CAMTA1: variants seen among roughly 807,000 people sequenced by gnomAD.
CAMTA1 encodes calmodulin binding transcription activator 1, also known as calmodulin-binding transcription activator 1.
Under a neutral mutation model 170.9 loss-of-function variants are expected in CAMTA1, and 27 were observed. The observed-to-expected ratio is 0.16, with a 90% CI of 0.12 to 0.22. The LOEUF (loss-of-function observed/expected upper bound fraction) is 0.22. Among genes scored for constraint, CAMTA1 ranks in the 10% least tolerant of loss-of-function variants. The pLI is 1.00. For missense variants in CAMTA1, 1,619 were observed against 2,217.2 expected, an observed-to-expected ratio of 0.73 and a Z score of 5.42; for synonymous variants, 833 against 891.5, an observed-to-expected ratio of 0.93 and a Z score of 1.17.
intron 3 of CAMTA1, among the ~76,000 whole-genome samples, chr1:6,891,187 C>A (rs1163666809): frequency 1.3e-5 from 2 of 152,086 alleles, no homozygotes; most frequent in African/African-American, 2.4e-5. Flanking sequence ...GACAATAATC[C>A]CATATTTATA....
At chr1:7,560,283 C>T (rs1392623155) in intron 6 of CAMTA1, among the ~76,000 whole-genome samples, 1 of 152,342 alleles carries the variant, frequency 6.6e-6, no homozygotes, top group East Asian at 1.9e-4. Flanking sequence ...CACTGCCCTT[C>T]AGGTCCCCTG....
At chr1:7,309,877 T>C (rs1054842993) in intron 5 of CAMTA1, among the ~76,000 whole-genome samples, 1 of 150,212 alleles carries the variant, frequency 6.7e-6, no homozygotes, top group East Asian at 1.9e-4. Flanking sequence ...TTATATATCA[T>C]ATATATATAT....
intron 6 of CAMTA1, among the ~76,000 whole-genome samples, chr1:7,529,232 A>G (rs996020612): frequency 3.5e-4 from 54 of 152,166 alleles, no homozygotes; most frequent in African/African-American, 1.3e-3. Context: ...GGAGTGGGGC[A>G]GAGATGGGCA....
At chr1:7,478,412 A>T (rs2093458507) in intron 6 of CAMTA1, among the ~76,000 whole-genome samples, 1 of 151,810 alleles carries the variant, frequency 6.6e-6, no homozygotes, top group Non-Finnish European at 1.5e-5. Flanking sequence ...GCTCCACACC[A>T]TCCCCTGTGA....
chr1:7,436,188 G>A (rs567372397), intron 5 of CAMTA1, among the ~76,000 whole-genome samples: 8 of 152,240 alleles, frequency 5.3e-5, no homozygotes, highest in Non-Finnish European at 1.2e-4. Context: ...TCTGGGAGGC[G>A]AGAGGGAGCC....
chr1:7,662,998 T>C (rs1420587023), intron 8 of CAMTA1, among the ~76,000 whole-genome samples: 6 of 151,802 alleles, frequency 4.0e-5, no homozygotes, highest in African/African-American at 9.7e-5. Context: ...TCCAGATGAG[T>C]GGTATCTGTC....
chr1:7,670,879 T>C, intron 9 of CAMTA1, 32 bp from the exon 10 acceptor site: 1 of 1,611,446 alleles, frequency 6.2e-7, no homozygotes, highest in Non-Finnish European at 8.5e-7. Flanking sequence ...TGGCTCACAC[T>C]CCAACTCTGT....
chr1:6,787,830 G>C (rs188238026), intron 1 of CAMTA1, among the ~76,000 whole-genome samples: 7 of 152,338 alleles, frequency 4.6e-5, no homozygotes, highest in Admixed American at 2.6e-4. Context: ...TTCGTTGCTT[G>C]ATTCTGCATA....
At position 7,293,902 on chromosome 1, in the gene CAMTA1, C is replaced by T. The variant is rs1673533544; in HGVS notation, c.438+44276C>T. Among the ~76,000 whole-genome samples, 1 of 152,200 alleles carries T rather than the reference C, an allele frequency of 6.6e-6. No individual in the cohort carries two copies. Among genetic ancestry groups the T allele is most frequent in the African/African-American group, 2.4e-5 (1 of 41,440 alleles). ...AGATTTTGTAGTAATGAGCATTTGG[C>T]TTTTGTAATCCTTTTTCTGCTTCGT... On this transcript the variant is annotated intron_variant, in intron 5 of 22. Transcript: ENST00000303635. The surrounding 1 kb of genome is among the most constrained non-coding windows in gnomAD (Gnocchi z 4.1).
rs2148650238 is a variant in CAMTA1, at chr1:7,146,126, G to A, written c.302+54755G>A. 1.3e-5 allele frequency among the ~76,000 whole-genome samples: 2 copies of A among 152,292 alleles called. No individual in the cohort carries two copies. The highest frequency in any genetic ancestry group is 4.2e-4 in the South Asian group (2 of 4,816). On this transcript the variant is annotated intron_variant, in intron 4 of 22. Transcript: ENST00000303635. The surrounding 1 kb of genome is among the most constrained non-coding windows in gnomAD (Gnocchi z 4.3). ...GGATGATTGTAAAGGCCGGGCCGAGGATCTCCCCTGGGGATGGGCAGTCAT... is the reference window on the plus strand; with the variant it reads ...GGATGATTGTAAAGGCCGGGCCGAGAATCTCCCCTGGGGATGGGCAGTCAT...
chr1:7,421,851 C>T (rs1011051790), intron 5 of CAMTA1, among the ~76,000 whole-genome samples: 2 of 149,870 alleles, frequency 1.3e-5, no homozygotes, highest in African/African-American at 4.9e-5. Flanking sequence ...GCCCACGGGG[C>T]ACTGGGGCAT....
At chr1:6,823,488 A>G (rs1367562343) in intron 2 of CAMTA1, among the ~76,000 whole-genome samples, 1 of 152,170 alleles carries the variant, frequency 6.6e-6, no homozygotes, top group African/African-American at 2.4e-5. Flanking sequence ...TACTGCTTAT[A>G]GAAATAGAGG....
At chr1:7,742,923 G>A (rs1466374391) in intron 16 of CAMTA1, among the ~76,000 whole-genome samples, 1 of 152,134 alleles carries the variant, frequency 6.6e-6, no homozygotes, top group African/African-American at 2.4e-5. Context: ...CCATCTCCTG[G>A]GTTCAAGCAA....
chr1:6,945,681 G>C (rs549315544), intron 3 of CAMTA1, among the ~76,000 whole-genome samples: 3 of 151,972 alleles, frequency 2.0e-5, no homozygotes, highest in Non-Finnish European at 4.4e-5. Flanking sequence ...CTGTCTCCCC[G>C]GGCCTAGGCA....
Position 7,431,921 on chromosome 1 carries a change from G to A in CAMTA1, c.439-35909G>A, listed in dbSNP as rs575582612. Among the ~76,000 whole-genome samples the A allele has an allele frequency of 2.1e-3, 315 of 152,278 alleles. 1 individual carries two copies. Among genetic ancestry groups the A allele is most frequent in the African/African-American group, 7.4e-3 (309 of 41,558 alleles). Reference sequence around the variant, plus strand: ...GAGGCCCTTTGCACATGCAGCATGGGAGCCACTCATCCTACCAGACTCTAG... The same window carrying A: ...GAGGCCCTTTGCACATGCAGCATGGAAGCCACTCATCCTACCAGACTCTAG... On this transcript the variant is annotated intron_variant, in intron 5 of 22. Coordinates refer to ENST00000303635, the MANE Select transcript of CAMTA1 (RefSeq NM_015215.4).
At chr1:6,848,900 T>C (rs761653013) in intron 3 of CAMTA1, among the ~76,000 whole-genome samples, 3 of 152,158 alleles carry the variant, frequency 2.0e-5, no homozygotes, top group Non-Finnish European at 4.4e-5. Context: ...AAAGAACTAT[T>C]TGGAAAGATA....
rs1031600488 is a variant in CAMTA1 at position 7,681,109 on chromosome 1, C to A, written c.2914+3376C>A. 1.3e-5 allele frequency among the ~76,000 whole-genome samples: 2 copies of A among 152,166 alleles called. No individual in the cohort carries two copies. Among genetic ancestry groups the A allele is most frequent in the African/African-American group, 4.8e-5 (2 of 41,452 alleles). On this transcript the variant is annotated intron_variant, in intron 11 of 22. Transcript: ENST00000303635. The surrounding 1 kb of genome is among the most constrained non-coding windows in gnomAD (Gnocchi z 4.6). ...AATCGCAGCCTTCTGGATCCCGGAGCTGCAGCGCCTCCCCCAGACCTAGGG... is the reference window on the plus strand; with the variant it reads ...AATCGCAGCCTTCTGGATCCCGGAGATGCAGCGCCTCCCCCAGACCTAGGG...
chr1:7,459,849 C>T (rs546384050), intron 5 of CAMTA1, among the ~76,000 whole-genome samples: 2 of 152,168 alleles, frequency 1.3e-5, no homozygotes, highest in Non-Finnish European at 2.9e-5. Flanking sequence ...AGAGAAACAG[C>T]GCAGGGAAGG....
At chr1:7,538,087 A>G (rs2094569526) in intron 6 of CAMTA1, among the ~76,000 whole-genome samples, 1 of 152,144 alleles carries the variant, frequency 6.6e-6, no homozygotes, top group African/African-American at 2.4e-5. Context: ...TGGAGCCCTC[A>G]TTTGCACGTG....
Sources: allele counts gnomAD v4.1 joint callset (sites outside exome capture counted in the v4.1 genomes callset), GRCh38; gene constraint gnomAD v4.1.1; non-coding constraint Gnocchi (gnomAD v3.1); transcripts MANE v1.5; gene names NCBI Gene and HGNC (gene_info 2026-07-23, HGNC 2026-07-21).